The following BCL2L14 variants were observed in gnomAD, a reference collection of about 807,000 sequenced individuals.
The protein encoded by BCL2L14 is apoptosis facilitator Bcl-2-like protein 14.
A neutral mutation model predicts 35.3 loss-of-function variants in BCL2L14; 27 were observed. The ratio of observed to expected loss-of-function variants is 0.76; its 90% CI spans 0.56 to 1.05. BCL2L14 has a LOEUF of 1.05. Ranked by LOEUF, BCL2L14 falls within the 50% of genes least tolerant of loss-of-function variation. The pLI is 0.00. For synonymous variants in BCL2L14, 139 were observed against 145.9 expected (o/e 0.95, Z 0.34); for missense variants, 377 against 382.6 (o/e 0.99, Z 0.12).
At chr12:12,069,396 C>T (rs1036751955), upstream of BCL2L14, among the ~76,000 whole-genome samples, 1 of 151,830 alleles carries the variant, frequency 6.6e-6, no homozygotes, top group African/African-American at 2.4e-5. Flanking sequence ...CGTCTCCCCC[C>T]AAAAAAAGGT....
At chr12:12,096,742 G>A (rs1949320080) in intron 5 of BCL2L14, among the ~76,000 whole-genome samples, 1 of 152,250 alleles carries the variant, frequency 6.6e-6, no homozygotes. Context: ...TGACGTCGGT[G>A]AGGATGTGGA....
At chr12:12,093,938 T>G (rs1037712733) in intron 4 of BCL2L14, among the ~76,000 whole-genome samples, 12 of 150,736 alleles carry the variant, frequency 8.0e-5, no homozygotes, top group Non-Finnish European at 1.6e-4. Flanking sequence ...ACTCTATCTC[T>G]ACAAAAAAAT....
intron 2 of BCL2L14, among the ~76,000 whole-genome samples, chr12:12,059,972 A>G (rs1319225797): frequency 1.3e-5 from 2 of 151,864 alleles, no homozygotes; most frequent in African/African-American, 4.8e-5. Context: ...AATGCAACTC[A>G]TCACAAATCT....
At chr12:12,058,715 G>A (rs1026328251) in intron 2 of BCL2L14, among the ~76,000 whole-genome samples, 1 of 152,048 alleles carries the variant, frequency 6.6e-6, no homozygotes, top group African/African-American at 2.4e-5. Context: ...CCTGCACCCA[G>A]GTGAAATAAA....
At chr12:12,094,044 T>C (rs1391482188) in intron 4 of BCL2L14, among the ~76,000 whole-genome samples, 3 of 150,968 alleles carry the variant, frequency 2.0e-5, no homozygotes, top group South Asian at 2.1e-4. Context: ...GAGGCAGAGG[T>C]TGCAGTGAGC....
At chr12:12,095,268 T>C (rs1949289822) in intron 5 of BCL2L14, 1 of 985,284 alleles carries the variant, frequency 1.0e-6, no homozygotes, top group Admixed American at 6.1e-5. Flanking sequence ...AACGGAAGTC[T>C]GGCAGGGAGA....
Position 12,079,575 on chromosome 12 carries a change from G to GTCT in BCL2L14, c.275_277dup (p.Ser92dup), listed in dbSNP as rs780055581. 1.9e-6 allele frequency: 3 copies of GTCT among 1,614,102 alleles called. No individual in the cohort carries two copies. In the African/African-American group the frequency reaches 4.0e-5, roughly 22 times the overall value. On this transcript the variant is annotated inframe_insertion, in exon 2 of 6. Coordinates refer to ENST00000308721, the MANE Select transcript of BCL2L14 (RefSeq NM_138723.2). ...AGGCCATAAACCTTGGCAAGAAAAA[G>GTCT]TCTTCTTGGAAAGCATTCTTTGGAG...
At chr12:12,094,451 A>C in intron 4 of BCL2L14, 2 of 1,387,744 alleles carry the variant, frequency 1.4e-6, no homozygotes, top group South Asian at 2.3e-5. Context: ...CATTTTATAC[A>C]TGTATTTGTG....
chr12:12,078,379 T>C (rs1565464254), intron 1 of BCL2L14, among the ~76,000 whole-genome samples: 1 of 150,336 alleles, frequency 6.7e-6, no homozygotes, highest in Non-Finnish European at 1.5e-5. Context: ...CCTCCCTCTT[T>C]TGCCACCTCC....
At chr12:12,063,453 A>G (rs1055021283) in intron 2 of BCL2L14, among the ~76,000 whole-genome samples, 4 of 148,288 alleles carry the variant, frequency 2.7e-5, no homozygotes, top group African/African-American at 9.9e-5. Flanking sequence ...CAATAATTCT[A>G]AATGACAAAT....
intron 2 of BCL2L14, among the ~76,000 whole-genome samples, chr12:12,057,650 G>A (rs980317399): frequency 4.6e-5 from 7 of 151,732 alleles, no homozygotes. Flanking sequence ...CCAGCTACTA[G>A]GGAGGCTGAG....
chr12:12,091,750 G>A (rs550093989), intron 4 of BCL2L14, among the ~76,000 whole-genome samples: 15 of 152,338 alleles, frequency 9.8e-5, no homozygotes, highest in African/African-American at 3.6e-4. Flanking sequence ...TTAAAGAAAA[G>A]AGAACGGGGT....
In BCL2L14 at chr12:12,087,299, G is replaced by C; in HGVS notation, c.520G>C (p.Gly174Arg). The C allele has an allele frequency of 6.2e-7, 1 of 1,614,232 alleles. No homozygotes were observed. Among genetic ancestry groups the C allele is most frequent in the Non-Finnish European group, 8.5e-7 (1 of 1,180,024 alleles). Residue 174 changes from glycine to arginine, a missense_variant, in exon 3 of 6, where the codon GGC becomes CGC. Coordinates refer to ENST00000308721, the MANE Select transcript of BCL2L14 (RefSeq NM_138723.2). ...ACCACCACAAGCGACCCAGGCAGGA[G>C]GCTTCAAGTCCAAAGAGATTTTTGT... ...WPPPQATQAG[G>R]FKSKEIFVTE... is the part of the protein sequence containing the mutation.
chr12:12,061,028 G>A (rs139138993), intron 2 of BCL2L14, among the ~76,000 whole-genome samples: 22 of 97,144 alleles, frequency 2.3e-4, no homozygotes, highest in African/African-American at 6.6e-4. Context: ...TAACTGTTGT[G>A]GGTATTGATG....
intron 1 of BCL2L14, 111 bp from the exon 2 acceptor site, chr12:12,079,188 C>T: frequency 1.1e-6 from 1 of 925,396 alleles, no homozygotes; most frequent in Non-Finnish European, 1.7e-6. Flanking sequence ...CCAGCACAAA[C>T]ACAATAGATG....
chr12:12,083,149 A>C (rs1355971908), intron 2 of BCL2L14, among the ~76,000 whole-genome samples: 1 of 152,116 alleles, frequency 6.6e-6, no homozygotes, highest in Non-Finnish European at 1.5e-5. Context: ...TATTTTTAGT[A>C]GAGACAGGGT....
intron 2 of BCL2L14, among the ~76,000 whole-genome samples, chr12:12,057,947 C>CTT (rs71057796): frequency 5.0e-5 from 7 of 139,768 alleles, no homozygotes; most frequent in Middle Eastern, 3.7e-3. Context: ...GTGTGTTTGT[C>CTT]TTTTTTTTTT....
intron 2 of BCL2L14, among the ~76,000 whole-genome samples, chr12:12,083,524 G>A (rs1253802146): frequency 3.9e-5 from 6 of 152,198 alleles, no homozygotes; most frequent in Non-Finnish European, 7.3e-5. Context: ...GAGGTTCAGC[G>A]ATATACAGTG....
intron 2 of BCL2L14, among the ~76,000 whole-genome samples, chr12:12,062,836 T>C (rs1373760576): frequency 6.6e-6 from 1 of 152,188 alleles, no homozygotes; most frequent in Non-Finnish European, 1.5e-5. Context: ...TTTCAGGCTC[T>C]TAGTATTCAG....
Sources: gnomAD v4.1 joint callset for allele counts (sites outside exome capture counted in the v4.1 genomes callset) on GRCh38, gnomAD v4.1.1 for gene constraint, MANE v1.5 for transcripts, NCBI Gene and HGNC (gene_info 2026-07-23, HGNC 2026-07-21) for gene names.